The following RCHY1 variants were observed in gnomAD, a reference collection of about 807,000 sequenced individuals.
RCHY1 encodes ring finger and CHY zinc finger domain containing 1, also known as RING finger and CHY zinc finger domain-containing protein 1.
RCHY1 carries 21 observed loss-of-function variants against 41.6 expected under a neutral mutation model. The ratio of observed to expected loss-of-function variants is 0.51; its 90% CI spans 0.36 to 0.73. The LOEUF (loss-of-function observed/expected upper bound fraction) is 0.73, where lower values mean the gene tolerates loss of function less well. RCHY1 is among the 30% of genes least tolerant of loss of function. The pLI, the probability that RCHY1 is intolerant of heterozygous loss-of-function variation, is 0.00. For synonymous variants in RCHY1, 79 were observed against 102.9 expected (o/e 0.77, Z 1.41); for missense variants, 265 against 325.3 (o/e 0.81, Z 1.43).
rs1374068324 is a variant in RCHY1 at position 75,480,969 on chromosome 4, T to C, written c.*1569A>G. 2.0e-5 allele frequency: 3 copies of C among 152,194 alleles called. No homozygotes were observed. The highest frequency in any genetic ancestry group is 2.1e-4 in the South Asian group (1 of 4,822). The allele number at this position is 152,194 out of a possible 1,614,324, so 9.4% of individuals were successfully genotyped here. Reference sequence around the variant, plus strand: ...TCACTTCACTACACTCTAGCCTAAATGACAGAGCAAAACCACTTCAAAAAA... The same window carrying C: ...TCACTTCACTACACTCTAGCCTAAACGACAGAGCAAAACCACTTCAAAAAA... On this transcript the variant is annotated 3_prime_UTR_variant, in exon 9 of 9. Transcript: ENST00000324439.
At chr4:75,496,999 T>C (rs1022354301) in intron 3 of RCHY1, among the ~76,000 whole-genome samples, 5 of 152,084 alleles carry the variant, frequency 3.3e-5, no homozygotes, top group African/African-American at 1.2e-4. Context: ...ATGAAAAATA[T>C]GTTTAAAGAC....
chr4:75,479,323 T>C lies in RCHY1; in HGVS notation c.*3215A>G, dbSNP rs140334281. On this transcript the variant is annotated 3_prime_UTR_variant, in exon 9 of 9. Transcript: ENST00000324439. ...GTGGCATAGTTTTGAACAACTCCCA[T>C]TTAAAATTAATTCATTTCAAATTAA... The C allele has an allele frequency of 6.0e-4, 92 of 152,148 alleles. 1 individual carries two copies. Among genetic ancestry groups the C allele is most frequent in the African/African-American group, 2.2e-3 (90 of 41,530 alleles). The allele number at this position is 152,148 out of a possible 1,614,324, so 9.4% of individuals were successfully genotyped here.
At chr4:75,512,777 G>C (rs1411994749) in intron 1 of RCHY1, among the ~76,000 whole-genome samples, 1 of 151,616 alleles carries the variant, frequency 6.6e-6, no homozygotes, top group Non-Finnish European at 1.5e-5. Context: ...CTCTTGTCAA[G>C]ATCACCAGTG....
At chr4:75,497,096 A>T (rs185205322) in intron 3 of RCHY1, among the ~76,000 whole-genome samples, 1 of 152,284 alleles carries the variant, frequency 6.6e-6, no homozygotes, top group East Asian at 1.9e-4. Context: ...GATATTGCTA[A>T]CAAAAAGGTT....
chr4:75,511,512 C>T (rs1395760321), intron 1 of RCHY1, among the ~76,000 whole-genome samples: 1 of 152,140 alleles, frequency 6.6e-6, no homozygotes, highest in South Asian at 2.1e-4. Flanking sequence ...GCAACTAGTT[C>T]ACTTTACAAT....
chr4:75,512,324 C>G (rs1036756261), intron 1 of RCHY1, among the ~76,000 whole-genome samples: 3 of 152,190 alleles, frequency 2.0e-5, no homozygotes, highest in African/African-American at 7.2e-5. Context: ...ACTATAAAAA[C>G]AGTAAACATA....
chr4:75,493,228 G>T (rs1240703498), intron 4 of RCHY1, among the ~76,000 whole-genome samples: 1 of 151,732 alleles, frequency 6.6e-6, no homozygotes, highest in Non-Finnish European at 1.5e-5. Context: ...CTTAAGCTGG[G>T]GCTGAAAATC....
chr4:75,488,027 A>G (rs1722399518), intron 8 of RCHY1, among the ~76,000 whole-genome samples: 1 of 149,514 alleles, frequency 6.7e-6, no homozygotes, highest in African/African-American at 2.5e-5. Context: ...TAACTTTGGC[A>G]TGCTACAAAG....
At chr4:75,502,814 T>C (rs1039847804) in intron 3 of RCHY1, among the ~76,000 whole-genome samples, 4 of 152,178 alleles carry the variant, frequency 2.6e-5, no homozygotes, top group African/African-American at 9.6e-5. Flanking sequence ...CATGAAAGAA[T>C]GACATGAAAT....
At chr4:75,504,579 T>C (rs1324082952) in intron 3 of RCHY1, among the ~76,000 whole-genome samples, 5 of 152,234 alleles carry the variant, frequency 3.3e-5, no homozygotes, top group African/African-American at 1.2e-4. Context: ...TTCCAGTCAG[T>C]AGCAGGCTAT....
chr4:75,506,138 A>C (rs915403711), intron 3 of RCHY1, among the ~76,000 whole-genome samples: 2 of 152,028 alleles, frequency 1.3e-5, no homozygotes, highest in East Asian at 1.9e-4. Flanking sequence ...TACAAAAAAA[A>C]AAAAAACAAA....
At chr4:75,491,067 A>G (rs922176604) in intron 7 of RCHY1, 10 of 163,142 alleles carry the variant, frequency 6.1e-5, no homozygotes, top group African/African-American at 2.4e-4. Context: ...TTATTCAGAT[A>G]TTATTTCCTT....
chr4:75,509,959 C>G (rs1724714134), intron 1 of RCHY1, among the ~76,000 whole-genome samples: 2 of 152,128 alleles, frequency 1.3e-5, no homozygotes, highest in Admixed American at 1.3e-4. Context: ...CATTCTGAGC[C>G]TAAACAGCAA....
At chr4:75,487,896 TATA>T (rs1722388091) in intron 8 of RCHY1, among the ~76,000 whole-genome samples, 1 of 119,004 alleles carries the variant, frequency 8.4e-6, no homozygotes, top group Non-Finnish European at 1.7e-5. Context: ...TATATTCATA[TATA>T]TATTCATATA....
At chr4:75,493,245 G>A (rs1372743284) in intron 4 of RCHY1, among the ~76,000 whole-genome samples, 4 of 151,930 alleles carry the variant, frequency 2.6e-5, no homozygotes, top group African/African-American at 9.7e-5. Context: ...AATCTTCAGA[G>A]TCATCTTTAC....
intron 2 of RCHY1, 109 bp from the exon 3 acceptor site, chr4:75,509,044 G>A (rs1724605695): frequency 8.5e-7 from 1 of 1,169,944 alleles, no homozygotes; most frequent in Non-Finnish European, 1.2e-6. Flanking sequence ...TATAAGTTTT[G>A]AAACACCTAA....
intron 8 of RCHY1, 54 bp from the exon 9 acceptor site, chr4:75,482,720 C>G: frequency 2.3e-6 from 3 of 1,299,998 alleles, no homozygotes; most frequent in Non-Finnish European, 3.2e-6. Context: ...ATACAAGTAG[C>G]ATTGTCTACT....
At chr4:75,502,735 A>C (rs1723902861) in intron 3 of RCHY1, among the ~76,000 whole-genome samples, 1 of 152,170 alleles carries the variant, frequency 6.6e-6, no homozygotes. Context: ...CACATTATCA[A>C]TCATTCCCAA....
intron 1 of RCHY1, among the ~76,000 whole-genome samples, chr4:75,513,087 A>T (rs1408533604): frequency 6.6e-6 from 1 of 152,196 alleles, no homozygotes; most frequent in East Asian, 1.9e-4. Context: ...TAAGGATAGC[A>T]TTCAATTTCC....
Sources: gnomAD v4.1 joint callset for allele counts (sites outside exome capture counted in the v4.1 genomes callset) on GRCh38, gnomAD v4.1.1 for gene constraint, MANE v1.5 for transcripts, NCBI Gene and HGNC (gene_info 2026-07-23, HGNC 2026-07-21) for gene names.